Variants in MYO1E observed in about 807,000 individuals in gnomAD.
MYO1E encodes myosin IE.
A neutral mutation model predicts 151.1 loss-of-function variants in MYO1E; 68 were observed. That is an observed-to-expected ratio of 0.45 (90% confidence interval 0.37 to 0.55). MYO1E has a LOEUF of 0.55. MYO1E is among the 20% of genes least tolerant of loss of function. MYO1E has a pLI of 0.00. For missense variants in MYO1E, 1,363 were observed against 1,389.3 expected, an observed-to-expected ratio of 0.98 and a Z score of 0.30; for synonymous variants, 601 against 501.7, an observed-to-expected ratio of 1.20 and a Z score of -2.64.
chr15:59,191,789 C>T (rs1396364729), intron 17 of MYO1E, among the ~76,000 whole-genome samples: 1 of 152,212 alleles, frequency 6.6e-6, no homozygotes, highest in Admixed American at 6.5e-5. Context: ...GTCACCTCCT[C>T]AGTAGTCGTT....
chr15:59,362,642 T>C (rs116659626), intron 1 of MYO1E, among the ~76,000 whole-genome samples: 3,074 of 152,340 alleles, frequency 0.02, 50 homozygotes, highest in African/African-American at 0.043. Flanking sequence ...TAGATTCTTC[T>C]GCATTTAAAT....
In MYO1E at chr15:59,139,053, G is replaced by C. The variant is rs141051264; in HGVS notation, c.3081-686C>G. ...TCCAGGGCACTGTGGATGGTCACTTGGGATGGTTCCAGTTTTCACTATTAT... is the reference window on the plus strand; with the variant it reads ...TCCAGGGCACTGTGGATGGTCACTTCGGATGGTTCCAGTTTTCACTATTAT... On this transcript the variant is annotated intron_variant, in intron 26 of 27. Transcript: ENST00000288235. 4.9e-4 allele frequency among the ~76,000 whole-genome samples: 75 copies of C among 152,112 alleles called. No individual in the cohort carries two copies. In the East Asian group the frequency reaches 0.014, roughly 29 times the overall value.
At chr15:59,226,716 G>T (rs1457665565) in intron 7 of MYO1E, among the ~76,000 whole-genome samples, 2 of 152,116 alleles carry the variant, frequency 1.3e-5, no homozygotes, top group East Asian at 1.9e-4. Flanking sequence ...GTGAGGCAGG[G>T]GGATCATTTG....
At chr15:59,345,437 C>G (rs1395463538) in intron 1 of MYO1E, among the ~76,000 whole-genome samples, 4 of 152,198 alleles carry the variant, frequency 2.6e-5, no homozygotes, top group Non-Finnish European at 2.9e-5. Context: ...TCCTGATTAG[C>G]TGGGACTACA....
At chr15:59,212,832 A>G (rs1596368272) in intron 12 of MYO1E, 1 of 152,208 alleles carries the variant, frequency 6.6e-6, no homozygotes, top group South Asian at 2.1e-4. Flanking sequence ...GGATATAGAC[A>G]CAGAGGGACA....
chr15:59,287,274 G>T (rs977205691), intron 1 of MYO1E, among the ~76,000 whole-genome samples: 1 of 152,266 alleles, frequency 6.6e-6, no homozygotes, highest in East Asian at 1.9e-4. Context: ...CACCCAAATC[G>T]CAAGCCCAGT....
intron 4 of MYO1E, among the ~76,000 whole-genome samples, chr15:59,245,824 G>T (rs192310107): frequency 7.7e-4 from 117 of 152,314 alleles, no homozygotes; most frequent in African/African-American, 2.8e-3. Flanking sequence ...AATGCCTCTG[G>T]CCACATTGTC....
Position 59,224,754 on chromosome 15 carries a change from G to C in MYO1E, c.712C>G (p.Leu238Val), listed in dbSNP as rs372685054. Reference protein sequence around the residue: ...GITSMDYYYYLSLSGSYKVDD... With the variant: ...GITSMDYYYYVSLSGSYKVDD... ...ACCTTGTATGAGCCCGAGAGGCTCA[G>C]GTAGTAATAATAGTCCATGCTGGTG... Residue 238 changes from leucine to valine, a missense_variant, in exon 8 of 28, where the codon CTG (leucine) becomes GTG (valine). Leu to Val is a conservative substitution (Grantham distance 32). Coordinates refer to ENST00000288235, the MANE Select transcript of MYO1E (RefSeq NM_004998.4). 6.2e-7 allele frequency: 1 copy of C among 1,614,082 alleles called. No individual in the cohort carries two copies. The highest frequency in any genetic ancestry group is 1.1e-5 in the South Asian group (1 of 91,092).
rs1489304342 is a variant in MYO1E, at chr15:59,138,253, C to T, written c.3195G>A (p.Gln1065=). The change falls in exon 27 of 28, where the codon CAG becomes CAA. Residue 1065 remains glutamine (Q), a synonymous_variant. Transcript: ENST00000288235. ...CATTAAAGCTGAGTTCGTCTGTGTC[C>T]TGAGCGTCATAGGCATACAAAGCCT... ...QCKALYAYDA[Q]DTDELSFNAN... 9 of 1,614,238 alleles carry T rather than the reference C, an allele frequency of 5.6e-6. No homozygotes were observed. In the South Asian group the frequency reaches 9.9e-5, roughly 18 times the overall value.
At chr15:59,212,168 G>C (rs1045235397) in intron 12 of MYO1E, among the ~76,000 whole-genome samples, 1 of 151,956 alleles carries the variant, frequency 6.6e-6, no homozygotes, top group Non-Finnish European at 1.5e-5. Flanking sequence ...CTACTCTAAG[G>C]GTTGGGGAAG....
chr15:59,357,422 A>G (rs2080860790), intron 1 of MYO1E, among the ~76,000 whole-genome samples: 1 of 148,394 alleles, frequency 6.7e-6, no homozygotes, highest in South Asian at 2.1e-4. Context: ...GAAGAAGGAG[A>G]TAACTTTTTT....
chr15:59,218,528 A>G (rs1266214989), intron 9 of MYO1E, among the ~76,000 whole-genome samples: 1 of 152,226 alleles, frequency 6.6e-6, no homozygotes, highest in Non-Finnish European at 1.5e-5. Flanking sequence ...ATCATTTTTG[A>G]AGCACCTGAT....
intron 26 of MYO1E, among the ~76,000 whole-genome samples, chr15:59,148,204 C>A (rs2079453592): frequency 1.3e-5 from 2 of 151,956 alleles, no homozygotes; most frequent in African/African-American, 2.4e-5. Flanking sequence ...AAGTGACAAG[C>A]CTGGGGTAGC....
intron 13 of MYO1E, 73 bp from the exon 14 acceptor site, chr15:59,208,921 T>A (rs913380171): frequency 6.4e-7 from 1 of 1,571,670 alleles, no homozygotes; most frequent in Non-Finnish European, 8.7e-7. Context: ...AGGTCCTTTC[T>A]TAGGCAAGGA....
At chr15:59,298,528 T>C (rs2080464530) in intron 1 of MYO1E, among the ~76,000 whole-genome samples, 1 of 152,138 alleles carries the variant, frequency 6.6e-6, no homozygotes, top group Admixed American at 6.5e-5. Context: ...GGAAATCAGG[T>C]CTGTCCATAT....
intron 1 of MYO1E, among the ~76,000 whole-genome samples, chr15:59,314,200 C>T (rs1409929499): frequency 2.0e-5 from 3 of 152,186 alleles, no homozygotes; most frequent in Non-Finnish European, 2.9e-5. Context: ...ACTTAGGCAG[C>T]CACTTAAACC....
At chr15:59,343,964 T>C (rs2080779934) in intron 1 of MYO1E, among the ~76,000 whole-genome samples, 1 of 152,220 alleles carries the variant, frequency 6.6e-6, no homozygotes. Flanking sequence ...TTTTAAGCTC[T>C]CTTTCTGAAA....
At chr15:59,223,988 C>T (rs1359251135) in intron 8 of MYO1E, among the ~76,000 whole-genome samples, 1 of 152,226 alleles carries the variant, frequency 6.6e-6, no homozygotes, top group Non-Finnish European at 1.5e-5. Flanking sequence ...TGAACCCACG[C>T]TGCTCATTCA....
chr15:59,179,200 G>C (rs565862820), intron 18 of MYO1E, among the ~76,000 whole-genome samples: 9 of 152,198 alleles, frequency 5.9e-5, no homozygotes, highest in African/African-American at 2.2e-4. Context: ...CACTCGGCTG[G>C]CTCCCGCTTG....
Sources: gnomAD v4.1 joint callset for allele counts (sites outside exome capture counted in the v4.1 genomes callset) on GRCh38, gnomAD v4.1.1 for gene constraint, MANE v1.5 for transcripts, NCBI Gene and HGNC (gene_info 2026-07-23, HGNC 2026-07-21) for gene names.